Variants in ZDHHC11 observed in about 807,000 individuals in gnomAD.
ZDHHC11 encodes the protein zDHHC palmitoyltransferase 11.
In ZDHHC11, 44 loss-of-function variants were observed where a neutral mutation model predicts 51.3. The observed-to-expected ratio is 0.86, with a 90% CI of 0.67 to 1.10. ZDHHC11 has a LOEUF of 1.10. Among genes scored for constraint, ZDHHC11 ranks in the 50% least tolerant of loss-of-function variants. The pLI is 0.00. For synonymous variants in ZDHHC11, 163 were observed against 222.0 expected, an observed-to-expected ratio of 0.73 and a Z score of 2.36; for missense variants, 400 against 537.7, an observed-to-expected ratio of 0.74 and a Z score of 2.53.
At chr5:817,704 T>A (rs953959276) in intron 10 of ZDHHC11, among the ~76,000 whole-genome samples, 1 of 151,402 alleles carries the variant, frequency 6.6e-6, no homozygotes, top group Non-Finnish European at 1.5e-5. Flanking sequence ...TGTGTGTGTG[T>A]TTGGCATGTG....
At chr5:825,912 C>T (rs1742301387) in intron 7 of ZDHHC11, among the ~76,000 whole-genome samples, 1 of 149,914 alleles carries the variant, frequency 6.7e-6, no homozygotes, top group Admixed American at 6.8e-5. Context: ...CATGTGACAA[C>T]TTCACTGCTA....
chr5:836,205 A>G (rs1431030214), intron 6 of ZDHHC11, among the ~76,000 whole-genome samples: 2 of 150,210 alleles, frequency 1.3e-5, no homozygotes, highest in Admixed American at 1.3e-4. Context: ...TAGGTCACTG[A>G]GATTTGTTAA....
intron 7 of ZDHHC11, 94 bp downstream of exon 7, chr5:833,678 CA>C (rs1448177049): frequency 4.3e-5 from 29 of 674,594 alleles, no homozygotes; most frequent in Non-Finnish European, 6.9e-5. Flanking sequence ...AATGTCTCAT[CA>C]TAGGTGAATT....
chr5:816,204 A>G (rs1167536302), intron 10 of ZDHHC11: 1 of 216,860 alleles, frequency 4.6e-6, no homozygotes, highest in African/African-American at 2.3e-5. Flanking sequence ...AATGGTGTCA[A>G]TTGAAGGGAA....
chr5:849,094 G>T (rs1746739281), intron 1 of ZDHHC11, among the ~76,000 whole-genome samples: 1 of 150,662 alleles, frequency 6.6e-6, no homozygotes, highest in African/African-American at 2.4e-5. Context: ...ATCTAGAGGA[G>T]ATGAGTCCAC....
intron 1 of ZDHHC11, among the ~76,000 whole-genome samples, chr5:857,091 ACAC>A (rs1748369681): frequency 6.6e-6 from 1 of 152,158 alleles, no homozygotes; most frequent in South Asian, 2.1e-4. Flanking sequence ...ACACTCCCAC[ACAC>A]AATTCAAGTG....
chr5:821,158 T>C (rs1256788343), intron 9 of ZDHHC11: 1 of 151,464 alleles, frequency 6.6e-6, no homozygotes, highest in African/African-American at 2.4e-5. Context: ...TCCAGCCCCT[T>C]GGCTCTCTGC....
chr5:853,513 G>A (rs1230294499), upstream of ZDHHC11, among the ~76,000 whole-genome samples: 1 of 151,366 alleles, frequency 6.6e-6, no homozygotes, highest in East Asian at 2.0e-4. Context: ...AGCGAGCTGG[G>A]GAGACAGATC....
At chr5:807,238 C>T (rs967564228) in intron 11 of ZDHHC11, among the ~76,000 whole-genome samples, 1 of 121,770 alleles carries the variant, frequency 8.2e-6, no homozygotes, top group Non-Finnish European at 1.8e-5. Context: ...TACATACACA[C>T]AATGCCCTTT....
At chr5:812,260 G>A (rs1240959811) in intron 11 of ZDHHC11, among the ~76,000 whole-genome samples, 1 of 151,102 alleles carries the variant, frequency 6.6e-6, no homozygotes, top group Admixed American at 6.6e-5. Context: ...AAAAATTTAT[G>A]AACTTCACGT....
At chr5:856,182 G>C (rs759447432) in intron 1 of ZDHHC11, among the ~76,000 whole-genome samples, 1 of 149,884 alleles carries the variant, frequency 6.7e-6, no homozygotes, top group Non-Finnish European at 1.5e-5. Context: ...CACAGACCAC[G>C]TACCACACAC....
chr5:806,614 C>T (rs1739294591), intron 11 of ZDHHC11, among the ~76,000 whole-genome samples: 1 of 149,206 alleles, frequency 6.7e-6, no homozygotes, highest in South Asian at 2.1e-4. Context: ...TGGACAGACT[C>T]TATCTGTAAT....
At chr5:836,010 C>G (rs763487099) in intron 6 of ZDHHC11, among the ~76,000 whole-genome samples, 1 of 151,638 alleles carries the variant, frequency 6.6e-6, no homozygotes, top group Non-Finnish European at 1.5e-5. Flanking sequence ...CAAATAAACA[C>G]AGTTTTATTT....
rs202005758 is a variant in ZDHHC11, at chr5:814,802, G to C, written c.1147-7C>G. ...TCGGGGCATCATCTGCTTCCTGTGG[G>C]GGGAAGGGATGCAAAATTCATAGGA... On this transcript the variant is annotated splice_region_variant and splice_polypyrimidine_tract_variant and intron_variant, in intron 10 of 12. Coordinates refer to ENST00000283441, the MANE Select transcript of ZDHHC11 (RefSeq NM_024786.3). The C allele has an allele frequency of 2.2e-4, 334 of 1,540,462 alleles. 11 individuals carry two copies. The highest frequency in any genetic ancestry group is 1.4e-3 in the Middle Eastern group (8 of 5,864).
rs73730965 is a variant in ZDHHC11, at chr5:837,640, G to A, written c.785-160C>T. Reference sequence around the variant, plus strand: ...CAGGCCCTGTGAGGTCAGGATGAGTGCAGGTGCCTTGTGGGCCCAGTTCTG... The same window carrying A: ...CAGGCCCTGTGAGGTCAGGATGAGTACAGGTGCCTTGTGGGCCCAGTTCTG... On this transcript the variant is annotated intron_variant, in intron 5 of 12. Coordinates refer to ENST00000283441, the MANE Select transcript of ZDHHC11 (RefSeq NM_024786.3). Among the ~76,000 whole-genome samples, 298 of 151,848 alleles carry A rather than the reference G, an allele frequency of 2.0e-3. 4 individuals are homozygous for A. Among genetic ancestry groups the A allele is most frequent in the African/African-American group, 6.9e-3 (287 of 41,482 alleles).
rs149632299 is a variant in ZDHHC11 at position 814,771 on chromosome 5, A to C, written c.1171T>G (p.Ser391Ala). ...AACTTACGAACTTACCCAAGTGTAG[A>C]TATACTCGGGGCATCATCTGCTTCC... ...AQEADDAPSISTLGLQQETTE... is the reference protein window; with the variant it reads ...AQEADDAPSIATLGLQQETTE... Residue 391 changes from serine (S) to alanine (A), a missense_variant, in exon 11 of 13, where the codon TCT (serine) becomes GCT (alanine). By Grantham distance (99) the Ser-to-Ala change is moderately conservative. This residue lies in a region of ZDHHC11 where 231 missense variants were observed against 227.4 expected (regional missense o/e 1.02). Coordinates refer to ENST00000283441, the MANE Select transcript of ZDHHC11 (RefSeq NM_024786.3). 1.9e-5 allele frequency: 29 copies of C among 1,562,262 alleles called. 1 individual carries two copies. The African/African-American group carries it at 4.0e-4, about 21-fold the overall frequency.
At chr5:803,830 A>T (rs541874376) in intron 11 of ZDHHC11, among the ~76,000 whole-genome samples, 1 of 150,560 alleles carries the variant, frequency 6.6e-6, no homozygotes, top group Non-Finnish European at 1.5e-5. Context: ...AACCAAAAAG[A>T]AACTGGAGCT....
intron 5 of ZDHHC11, among the ~76,000 whole-genome samples, chr5:838,128 G>A (rs1744174100): frequency 6.6e-6 from 1 of 151,670 alleles, no homozygotes; most frequent in African/African-American, 2.4e-5. Flanking sequence ...TGATGGGGCT[G>A]AGACAGGTCA....
At chr5:819,457 G>T in intron 10 of ZDHHC11, 68 bp downstream of exon 10, 1 of 1,531,026 alleles carries the variant, frequency 6.5e-7, no homozygotes, top group Non-Finnish European at 9.0e-7. Flanking sequence ...CTCAGCTTGG[G>T]GGACCTCAGA....
Sources: allele counts gnomAD v4.1 joint callset (sites outside exome capture counted in the v4.1 genomes callset), GRCh38; gene constraint gnomAD v4.1.1; regional missense constraint gnomAD v4.1.1; transcripts MANE v1.5; gene names NCBI Gene and HGNC (gene_info 2026-07-23, HGNC 2026-07-21).